ZNF148: variants seen among roughly 807,000 people sequenced by gnomAD.
ZNF148 encodes the protein zinc finger protein 148.
A neutral mutation model predicts 67.7 loss-of-function variants in ZNF148; 7 were observed. That is an observed-to-expected ratio of 0.10 (90% CI 0.06 to 0.19). The LOEUF (loss-of-function observed/expected upper bound fraction) is 0.19, where lower values mean the gene tolerates loss of function less well. Among genes scored for constraint, ZNF148 ranks in the 10% least tolerant of loss-of-function variants. ZNF148 has a pLI of 1.00. For synonymous variants in ZNF148, 333 were observed against 330.7 expected (o/e 1.01, Z -0.08); for missense variants, 583 against 947.1 (o/e 0.62, Z 5.05).
chr3:125,264,065 A>C (rs1439712576), intron 7 of ZNF148, among the ~76,000 whole-genome samples: 1 of 152,186 alleles, frequency 6.6e-6, no homozygotes, highest in African/African-American at 2.4e-5. Context: ...GCACACCCTA[A>C]ATCCACAAGA....
rs534879486 is a variant in ZNF148 at position 125,237,152 on chromosome 3, G to C, written c.668-2823C>G. Reference sequence around the variant, plus strand: ...GCAGAGGAGCCAGTGAAGAGAAACTGATTATCAATACTGAATACCGCCGAA... The same window carrying C: ...GCAGAGGAGCCAGTGAAGAGAAACTCATTATCAATACTGAATACCGCCGAA... On this transcript the variant is annotated intron_variant, in intron 7 of 8. Coordinates refer to ENST00000360647, the MANE Select transcript of ZNF148 (RefSeq NM_021964.3). Among the ~76,000 whole-genome samples the C allele has an allele frequency of 3.2e-4, 48 of 152,308 alleles. No individual in the cohort carries two copies. The East Asian group carries it at 8.5e-3, about 27-fold the overall frequency.
chr3:125,369,283 A>AAAAAAAAC, intron 1 of ZNF148, among the ~76,000 whole-genome samples: 1 of 148,642 alleles, frequency 6.7e-6, no homozygotes, highest in Non-Finnish European at 1.5e-5. Flanking sequence ...AAAAAAAAAA[A>AAAAAAAAC]AAAGCCATAG....
intron 3 of ZNF148, among the ~76,000 whole-genome samples, chr3:125,321,655 T>C (rs1329603894): frequency 6.6e-6 from 1 of 152,084 alleles, no homozygotes; most frequent in African/African-American, 2.4e-5. Flanking sequence ...ATAATTTATC[T>C]TAACAAGGAG....
chr3:125,253,274 G>A lies in ZNF148; in HGVS notation c.668-18945C>T, dbSNP rs569004641. Among the ~76,000 whole-genome samples, 3 of 152,180 alleles carry A rather than the reference G, an allele frequency of 2.0e-5. No individual in the cohort carries two copies. The South Asian group carries it at 6.2e-4, about 32-fold the overall frequency. ...ATTTTAAGTGGTATCATCATAACAT[G>A]TTCATGTTCTATTCATTGGTATACA... On this transcript the variant is annotated intron_variant, in intron 7 of 8. Transcript: ENST00000360647.
At chr3:125,298,072 GTA>G (rs1939376817) in intron 4 of ZNF148, among the ~76,000 whole-genome samples, 2 of 152,076 alleles carry the variant, frequency 1.3e-5, no homozygotes, top group South Asian at 4.1e-4. Flanking sequence ...CAGATACCTA[GTA>G]TATAGTGCCT....
rs183433222 is a variant in ZNF148, at chr3:125,325,101, T to C, written c.-152-1657A>G. Reference sequence around the variant, plus strand: ...TGTTAAATATGTTAAAAGGAACTCATGTTTTAAAGTTTTTTAATTATGAAA... The same window carrying C: ...TGTTAAATATGTTAAAAGGAACTCACGTTTTAAAGTTTTTTAATTATGAAA... On this transcript the variant is annotated intron_variant, in intron 2 of 8. Transcript: ENST00000360647. Among the ~76,000 whole-genome samples the C allele has an allele frequency of 1.1e-4, 16 of 152,308 alleles. No individual in the cohort carries two copies. In the East Asian group the frequency reaches 2.5e-3, roughly 24 times the overall value.
At chr3:125,296,993 TG>T (rs1432345964) in intron 4 of ZNF148, among the ~76,000 whole-genome samples, 2 of 151,962 alleles carry the variant, frequency 1.3e-5, no homozygotes. Flanking sequence ...ATGTTAGCAA[TG>T]GTATGTCAAG....
intron 5 of ZNF148, among the ~76,000 whole-genome samples, chr3:125,284,047 T>G (rs1402593887): frequency 1.3e-5 from 2 of 152,148 alleles, no homozygotes; most frequent in Non-Finnish European, 2.9e-5. Flanking sequence ...AAAAGAGAGA[T>G]ACATTTCAGA....
At chr3:125,265,544 CACA>C (rs1358244425) in intron 7 of ZNF148, among the ~76,000 whole-genome samples, 2 of 152,288 alleles carry the variant, frequency 1.3e-5, no homozygotes, top group South Asian at 4.1e-4. Flanking sequence ...ACAGGTAGAG[CACA>C]ACAAGATTTT....
chr3:125,227,999 C>G lies in ZNF148; in HGVS notation c.*4342G>C, dbSNP rs1420594274. The G allele has an allele frequency of 6.6e-6, 1 of 152,474 alleles. No individual in the cohort carries two copies. Among genetic ancestry groups the G allele is most frequent in the Non-Finnish European group, 1.5e-5 (1 of 68,014 alleles). 9.4% of individuals were successfully genotyped at this position (152,474 alleles called of 1,614,324 possible). ...TCTTTGTATTGAAGTTGAATAAATT[C>G]ATCTGATCAGCTGAGAAACCAAGCT... is the stretch of plus-strand genomic sequence containing the variant. On this transcript the variant is annotated 3_prime_UTR_variant, in exon 9 of 9. Coordinates refer to ENST00000360647, the MANE Select transcript of ZNF148 (RefSeq NM_021964.3).
At position 125,225,884 on chromosome 3, in the gene ZNF148, T is replaced by C. The variant is rs142848424; in HGVS notation, c.*6457A>G. The stretch of plus-strand genomic sequence containing the variant: ...AAGGCCAGGGTCCTAGGACTGATCA[T>C]TGCGAGGGCCAATTAGTTTAAATTT... On this transcript the variant is annotated 3_prime_UTR_variant, in exon 9 of 9. Coordinates refer to ENST00000360647, the MANE Select transcript of ZNF148 (RefSeq NM_021964.3). The C allele has an allele frequency of 6.6e-6, 1 of 152,298 alleles. No homozygotes were observed. Among genetic ancestry groups the C allele is most frequent in the Non-Finnish European group, 1.5e-5 (1 of 68,028 alleles). 9.4% of individuals were successfully genotyped at this position (152,298 alleles called of 1,614,324 possible).
intron 1 of ZNF148, chr3:125,344,721 A>C: frequency 1.7e-6 from 1 of 581,168 alleles, no homozygotes; most frequent in East Asian, 3.3e-5. Context: ...CTTCAGTGCC[A>C]GTTTCCATTA....
intron 2 of ZNF148, among the ~76,000 whole-genome samples, chr3:125,329,073 G>C (rs1941155365): frequency 6.6e-6 from 1 of 150,730 alleles, no homozygotes. Context: ...ATACTGAATG[G>C]GGAAGGGTTG....
intron 7 of ZNF148, among the ~76,000 whole-genome samples, chr3:125,265,748 T>C (rs1199110679): frequency 1.3e-5 from 2 of 152,142 alleles, no homozygotes; most frequent in Admixed American, 6.6e-5. Context: ...TAAGGTAGAG[T>C]TCCTCCATTA....
At chr3:125,351,003 G>A (rs1387197855) in intron 1 of ZNF148, among the ~76,000 whole-genome samples, 3 of 152,128 alleles carry the variant, frequency 2.0e-5, no homozygotes, top group South Asian at 2.1e-4. Context: ...TCTCATAGGA[G>A]CAGAAAGTAA....
chr3:125,272,677 A>G (rs1473971306), intron 7 of ZNF148, among the ~76,000 whole-genome samples: 1 of 152,150 alleles, frequency 6.6e-6, no homozygotes, highest in African/African-American at 2.4e-5. Flanking sequence ...ATATACACAC[A>G]TATAAATGAT....
At chr3:125,295,113 T>C (rs1334649372) in intron 4 of ZNF148, among the ~76,000 whole-genome samples, 2 of 152,184 alleles carry the variant, frequency 1.3e-5, no homozygotes, top group African/African-American at 2.4e-5. Context: ...AAAAAACTTC[T>C]AGTGGTTTTA....
At chr3:125,316,729 C>T (rs369637951) in intron 3 of ZNF148, among the ~76,000 whole-genome samples, 2 of 151,870 alleles carry the variant, frequency 1.3e-5, no homozygotes, top group African/African-American at 4.8e-5. Context: ...GTTTGAGCTC[C>T]GTATATATTC....
At chr3:125,369,016 C>CT (rs1417980364) in intron 1 of ZNF148, among the ~76,000 whole-genome samples, 1 of 150,890 alleles carries the variant, frequency 6.6e-6, no homozygotes, top group African/African-American at 2.4e-5. Context: ...AATCCCAGCA[C>CT]TTTGAGAGGC....
Sources: gnomAD v4.1 joint callset for allele counts (sites outside exome capture counted in the v4.1 genomes callset) on GRCh38, gnomAD v4.1.1 for gene constraint, MANE v1.5 for transcripts, NCBI Gene and HGNC (gene_info 2026-07-23, HGNC 2026-07-21) for gene names.